PLXNB2: variants seen among roughly 807,000 people sequenced by gnomAD.
The protein encoded by PLXNB2 is plexin-B2.
In PLXNB2, 85 loss-of-function variants were observed where a neutral mutation model predicts 202.6. The ratio of observed to expected loss-of-function variants is 0.42; its 90% CI spans 0.35 to 0.50. The LOEUF is 0.50. PLXNB2 is among the 20% of genes least tolerant of loss of function. The pLI, the probability that PLXNB2 is intolerant of heterozygous loss-of-function variation, is 0.02. For synonymous variants in PLXNB2, 1,239 were observed against 1,137.6 expected, an observed-to-expected ratio of 1.09 and a Z score of -1.79; for missense variants, 2,063 against 2,586.2, an observed-to-expected ratio of 0.80 and a Z score of 4.39.
In PLXNB2 at chr22:50,275,204, C is replaced by G; in HGVS notation, c.*500G>C. The G allele has an allele frequency of 3.0e-6, 1 of 330,376 alleles. No individual in the cohort carries two copies. The highest frequency in any genetic ancestry group is 6.0e-6 in the Non-Finnish European group (1 of 166,928). 20.5% of individuals were successfully genotyped at this position (330,376 alleles called of 1,614,324 possible). ...GCAGCCGTGAGTCCACCCAGAGTGC[C>G]GGCACCCTTGGGGAGGCCGGTGAGG... On this transcript the variant is annotated 3_prime_UTR_variant, in exon 37 of 37. Transcript: ENST00000359337.
In PLXNB2 at chr22:50,282,480, T is replaced by A. The variant is rs116583531; in HGVS notation, c.2988-167A>T. The A allele has an allele frequency of 1.6e-3, 1,192 of 766,608 alleles. 11 individuals are homozygous for A. In the African/African-American group the frequency reaches 0.019, roughly 12 times the overall value. The allele number at this position is 766,608 out of a possible 1,614,324, so 47.5% of individuals were successfully genotyped here. A position where few individuals can be genotyped will look rare whatever the true frequency, so the allele number is the denominator to read the frequency against. On this transcript the variant is annotated intron_variant, in intron 18 of 36. Transcript: ENST00000359337. ...CGGTGGGACGTGCTGAGCACGAGAC[T>A]GTGCCGCAAGTGGGCGGGGGGCACA...
At position 50,289,099 on chromosome 22, in the gene PLXNB2, T is replaced by G; in HGVS notation, c.1112A>C (p.Tyr371Ser). The change falls in exon 4 of 37, where the codon TAC becomes TCC. Residue 371 changes from tyrosine (Y) to serine (S), a missense_variant. By Grantham distance (144) the Tyr-to-Ser change is moderately radical (BLOSUM62 -2). This residue lies in a region of PLXNB2 where 1,303 missense variants were observed against 1,476.8 expected (regional missense o/e 0.88). Transcript: ENST00000359337. This position sits in a 1 kb window ranked among gnomAD's most constrained non-coding sequence, Gnocchi z 8.0. Reference protein sequence around the residue: ...SFPCGSEHLPYPLGSRDGLRG... With the variant: ...SFPCGSEHLPSPLGSRDGLRG... ...GAGCCCGTCGCGGCTGCCCAGCGGG[T>G]AGGGCAGGTGCTCCGAGCCACATGG... 6.3e-7 allele frequency: 1 copy of G among 1,592,420 alleles called. No individual in the cohort carries two copies. The highest frequency in any genetic ancestry group is 1.3e-5 in the African/African-American group (1 of 74,662).
chr22:50,276,992 C>T lies in PLXNB2; in HGVS notation c.5197-86G>A, dbSNP rs1383115748. The T allele has an allele frequency of 6.9e-5, 63 of 917,686 alleles. No homozygotes were observed. The East Asian group carries it at 1.5e-3, about 21-fold the overall frequency. 56.8% of individuals were successfully genotyped at this position (917,686 alleles called of 1,614,324 possible). On this transcript the variant is annotated intron_variant, in intron 33 of 36. Transcript: ENST00000359337. ...TACCCCTGGGTAGCTTCCCCTGCCC[C>T]GAACTCCTGACACTTTCATCAAGAA...
chr22:50,283,812 G>A (rs546345537), intron 14 of PLXNB2, 21 bp downstream of exon 14: 17 of 1,611,592 alleles, frequency 1.1e-5, no homozygotes, highest in Non-Finnish European at 1.4e-5. Context: ...GAAGGTGTAG[G>A]CCAGGCTTCG....
In PLXNB2 at chr22:50,289,877, G is replaced by A. The variant is rs757169947; in HGVS notation, c.708C>T (p.Asp236=). ...PYVFFVFNQQ[D]KHPARNRTLL... ...GCGTGCGGTTCCGGGCCGGGTGCTT[G>A]TCCTGCTGGTTGAAGACAAAGAAGA... The change falls in exon 3 of 37, where the codon GAC becomes GAT. Residue 236 remains aspartate (D), a synonymous_variant. Transcript: ENST00000359337. The surrounding 1 kb of genome is among the most constrained non-coding windows in gnomAD (Gnocchi z 8.0). The A allele has an allele frequency of 1.9e-6, 3 of 1,613,142 alleles. No individual in the cohort carries two copies. Among genetic ancestry groups the A allele is most frequent in the East Asian group, 4.5e-5 (2 of 44,898 alleles).
rs1453635304 is a variant in PLXNB2 at position 50,280,893 on chromosome 22, C to T, written c.3844G>A (p.Asp1282Asn). Residue 1282 changes from aspartate (D) to asparagine (N), a missense_variant, in exon 24 of 37, where the codon GAC (aspartate) becomes AAC (asparagine). Asp to Asn is a conservative substitution (Grantham distance 23). Around this residue, in one of 2 missense-constraint regions of PLXNB2, gnomAD observed 760 missense variants for 1,109.4 expected, o/e 0.69. Transcript: ENST00000359337. ...TTGGAGGGCAGGAAGAAGACGCGGT[C>T]GGTGTAGGTCTTGTAGTCCAGCACG... ...IPVLDYKTYT[D>N]RVFFLPSKDG... 19 of 1,613,412 alleles carry T rather than the reference C, an allele frequency of 1.2e-5. No individual in the cohort carries two copies. The highest frequency in any genetic ancestry group is 2.7e-5 in the African/African-American group (2 of 74,900).
At chr22:50,298,649 T>C (rs751934194) in intron 1 of PLXNB2, among the ~76,000 whole-genome samples, 1 of 152,172 alleles carries the variant, frequency 6.6e-6, no homozygotes, top group African/African-American at 2.4e-5. Flanking sequence ...GACTGGGCCA[T>C]TCTTTTCTTT....
At chr22:50,300,394 G>C (rs1011445856) in intron 1 of PLXNB2, 3 of 892,542 alleles carry the variant, frequency 3.4e-6, no homozygotes, top group Non-Finnish European at 1.3e-6. Context: ...GCCCCCGGTC[G>C]GTCTCAGGGC....
chr22:50,293,436 C>T (rs1015720240), intron 2 of PLXNB2, among the ~76,000 whole-genome samples: 5 of 152,194 alleles, frequency 3.3e-5, no homozygotes, highest in Admixed American at 6.5e-5. Context: ...CACCCAGTGG[C>T]GCCAGCGGGG....
intron 2 of PLXNB2, among the ~76,000 whole-genome samples, chr22:50,292,467 A>G (rs952074507): frequency 6.6e-6 from 1 of 152,166 alleles, no homozygotes; most frequent in Non-Finnish European, 1.5e-5. Flanking sequence ...TCTCAGGTGA[A>G]GAAACTGAGG....
intron 34 of PLXNB2, 65 bp downstream of exon 34, chr22:50,276,777 T>C (rs547452451): frequency 3.5e-5 from 56 of 1,596,232 alleles, no homozygotes; most frequent in Middle Eastern, 1.7e-4. Context: ...AACCAAGGCC[T>C]GAACCTCCCC....
rs747342576 is a variant in PLXNB2, at chr22:50,282,798, C to G, written c.2900G>C (p.Gly967Ala). The change falls in exon 18 of 37, where the codon GGG (glycine) becomes GCG (alanine). Residue 967 changes from glycine (G) to alanine (A), a missense_variant. Gly to Ala is a moderately conservative substitution (Grantham distance 60). Coordinates refer to ENST00000359337, the MANE Select transcript of PLXNB2 (RefSeq NM_012401.4). ...GQMLLEVSYG[G>A]SPVPNPGIFF... ...GATGCCGGGGTTGGGCACGGGGGAC[C>G]CCCCGTAGGAGACCTCCAGAAGCAT... 17 of 1,610,212 alleles carry G rather than the reference C, an allele frequency of 1.1e-5. No individual in the cohort carries two copies. The highest frequency in any genetic ancestry group is 1.4e-5 in the African/African-American group (1 of 73,968).
In PLXNB2 at chr22:50,277,616, G is replaced by C; in HGVS notation, c.5171C>G (p.Thr1724Arg). The change falls in exon 33 of 37, where the codon ACG (threonine) becomes AGG (arginine). Residue 1724 changes from threonine (T) to arginine (R), a missense_variant. This residue lies in a region of PLXNB2 where 760 missense variants were observed against 1,109.4 expected (regional missense o/e 0.69). Transcript: ENST00000359337. ...VIAQTFMDAC[T>R]RTEHKLSRDS... ...GCGGCTCAGCTTATGCTCCGTGCGCGTGCAGGCATCCATGAAGGTCTGCGC... is the reference window on the plus strand; with the variant it reads ...GCGGCTCAGCTTATGCTCCGTGCGCCTGCAGGCATCCATGAAGGTCTGCGC... 1 of 1,596,986 alleles carries C rather than the reference G, an allele frequency of 6.3e-7. No homozygotes were observed. Among genetic ancestry groups the C allele is most frequent in the Non-Finnish European group, 8.6e-7 (1 of 1,169,448 alleles).
Position 50,289,386 on chromosome 22 carries a change from C to A in PLXNB2, c.1068+131G>T. On this transcript the variant is annotated intron_variant, in intron 3 of 36. Coordinates refer to ENST00000359337, the MANE Select transcript of PLXNB2 (RefSeq NM_012401.4). The surrounding 1 kb of genome is among the most constrained non-coding windows in gnomAD (Gnocchi z 8.0). ...CATTGAGAGATGCGGCACCCACCCA[C>A]GCAAGCGCCCAGGCTGGCGAGAGCC... 1 of 1,227,854 alleles carries A rather than the reference C, an allele frequency of 8.1e-7. No individual in the cohort carries two copies. The highest frequency in any genetic ancestry group is 1.1e-6 in the Non-Finnish European group (1 of 907,160). 76.1% of individuals were successfully genotyped at this position (1,227,854 alleles called of 1,614,324 possible).
At position 50,275,347 on chromosome 22, in the gene PLXNB2, C is replaced by G; in HGVS notation, c.*357G>C. 1 of 463,766 alleles carries G rather than the reference C, an allele frequency of 2.2e-6. No individual in the cohort carries two copies. Among genetic ancestry groups the G allele is most frequent in the Non-Finnish European group, 4.3e-6 (1 of 233,534 alleles). 28.7% of individuals were successfully genotyped at this position (463,766 alleles called of 1,614,324 possible). A position where few individuals can be genotyped will look rare whatever the true frequency, so the allele number is the denominator to read the frequency against. ...CCCTCAGATCCCCCAGGGGCCCAACCTAGGGCATGGAGGCGGCTGCTGGTG... is the reference window on the plus strand; with the variant it reads ...CCCTCAGATCCCCCAGGGGCCCAACGTAGGGCATGGAGGCGGCTGCTGGTG... On this transcript the variant is annotated 3_prime_UTR_variant, in exon 37 of 37. Coordinates refer to ENST00000359337, the MANE Select transcript of PLXNB2 (RefSeq NM_012401.4).
intron 35 of PLXNB2, among the ~76,000 whole-genome samples, 199 bp downstream of exon 35, chr22:50,276,429 CT>C (rs1569154927): frequency 1.4e-3 from 62 of 44,388 alleles, no homozygotes; most frequent in East Asian, 1.9e-3. Context: ...TGGGCAGGGC[CT>C]GGCTCCAAGC....
rs768769541 is a variant in PLXNB2, at chr22:50,281,404, G to A, written c.3618C>T (p.Ile1206=). The A allele has an allele frequency of 5.0e-6, 8 of 1,612,254 alleles. 1 individual carries two copies. The African/African-American group carries it at 5.3e-5, about 11-fold the overall frequency. The change falls in exon 22 of 37, where the codon ATC becomes ATT. Residue 1206 remains isoleucine (I), a synonymous_variant. Coordinates refer to ENST00000359337, the MANE Select transcript of PLXNB2 (RefSeq NM_012401.4). The stretch of plus-strand genomic sequence containing the variant: ...CCGCGATGACGACCACCATGGGCAC[G>A]ATGACCAGCGGCAAGATGAGGCTGA... The part of the protein sequence containing the change: ...VPLSLILPLV[I]VPMVVVIAVS...
chr22:50,292,108 C>T (rs987723845), intron 2 of PLXNB2, among the ~76,000 whole-genome samples: 2 of 152,148 alleles, frequency 1.3e-5, no homozygotes, highest in African/African-American at 4.8e-5. Context: ...GAGGCCGAGG[C>T]GGGCGGATCA....
At chr22:50,296,234 A>T (rs1454386158) in intron 1 of PLXNB2, among the ~76,000 whole-genome samples, 2 of 146,704 alleles carry the variant, frequency 1.4e-5, no homozygotes, top group Admixed American at 6.6e-5. Context: ...ACACACAATA[A>T]AAAAGTTCAA....
Sources: gnomAD v4.1 joint callset for allele counts (sites outside exome capture counted in the v4.1 genomes callset) on GRCh38, gnomAD v4.1.1 for gene constraint, gnomAD v4.1.1 regional missense constraint, Gnocchi (gnomAD v3.1) non-coding constraint, MANE v1.5 for transcripts, NCBI Gene and HGNC (gene_info 2026-07-23, HGNC 2026-07-21) for gene names.